MRPL1: variants seen among roughly 807,000 people sequenced by gnomAD.
The protein encoded by MRPL1 is large ribosomal subunit protein uL1m.
Under a neutral mutation model 38.0 loss-of-function variants are expected in MRPL1, and 28 were observed. The observed-to-expected ratio is 0.74, with a 90% CI of 0.55 to 1.01. The LOEUF is 1.01. Among genes scored for constraint, MRPL1 ranks in the 50% least tolerant of loss-of-function variants. The pLI, the probability that MRPL1 is intolerant of heterozygous loss-of-function variation, is 0.00. For synonymous variants in MRPL1, 123 were observed against 126.7 expected (o/e 0.97, Z 0.20); for missense variants, 358 against 389.8 (o/e 0.92, Z 0.69).
intron 7 of MRPL1, among the ~76,000 whole-genome samples, chr4:77,916,175 A>G (rs930819039): frequency 6.6e-6 from 1 of 152,232 alleles, no homozygotes; most frequent in Non-Finnish European, 1.5e-5. Context: ...AATTTCAGAT[A>G]GTAATTAAAT....
Position 77,911,722 on chromosome 4 carries a change from G to A in MRPL1, c.777+2350G>A, listed in dbSNP as rs72869576. ...TTAGCAGAGTACTTCTGGATAAGGGGGAGTAACAGGGACCTAATTTATCCT... is the reference window on the plus strand; with the variant it reads ...TTAGCAGAGTACTTCTGGATAAGGGAGAGTAACAGGGACCTAATTTATCCT... On this transcript the variant is annotated intron_variant, in intron 7 of 8. Transcript: ENST00000315567. Among the ~76,000 whole-genome samples the A allele has an allele frequency of 5.4e-4, 82 of 152,126 alleles. 1 individual carries two copies. The highest frequency in any genetic ancestry group is 1.9e-3 in the African/African-American group (78 of 41,494).
At chr4:77,894,384 C>A in intron 6 of MRPL1, 134 bp downstream of exon 6, 1 of 553,248 alleles carries the variant, frequency 1.8e-6, no homozygotes, top group Non-Finnish European at 3.2e-6. Flanking sequence ...GTTACGAGAA[C>A]CTACGGGTTT....
chr4:77,930,182 G>A (rs149208008), intron 7 of MRPL1, among the ~76,000 whole-genome samples: 10 of 152,246 alleles, frequency 6.6e-5, no homozygotes, highest in East Asian at 3.9e-4. Context: ...AGGAGAAACC[G>A]TCCAGTTATA....
At chr4:77,930,046 C>T (rs1736809619) in intron 7 of MRPL1, among the ~76,000 whole-genome samples, 2 of 152,136 alleles carry the variant, frequency 1.3e-5, no homozygotes, top group South Asian at 4.1e-4. Context: ...GGAGAGAAGA[C>T]CAGATTTCGA....
At chr4:77,871,110 C>G (rs539319667) in intron 1 of MRPL1, among the ~76,000 whole-genome samples, 23 of 152,062 alleles carry the variant, frequency 1.5e-4, no homozygotes, top group African/African-American at 4.6e-4. Context: ...AACCCCAGAG[C>G]CTTGAGAGGC....
At chr4:77,935,647 T>G (rs1736952917) in intron 7 of MRPL1, among the ~76,000 whole-genome samples, 1 of 152,154 alleles carries the variant, frequency 6.6e-6, no homozygotes, top group Non-Finnish European at 1.5e-5. Flanking sequence ...CCACCTGCCT[T>G]GGCCTGCCAA....
chr4:77,925,669 T>A (rs529159503), intron 7 of MRPL1, among the ~76,000 whole-genome samples: 11 of 151,908 alleles, frequency 7.2e-5, no homozygotes, highest in African/African-American at 2.2e-4. Context: ...TTTTTTTTTT[T>A]AAATGATGAA....
In MRPL1 at chr4:77,871,829, C is replaced by T; in HGVS notation, c.117C>T (p.Pro39=). The change falls in exon 2 of 9, where the codon CCC becomes CCT. Residue 39 remains proline (P), a synonymous_variant. Coordinates refer to ENST00000315567, the MANE Select transcript of MRPL1 (RefSeq NM_020236.4). ...LCSCSVNIRV[P]NRHFAAATKS... is the part of the protein sequence containing the mutation. Reference sequence around the variant, plus strand: ...CTTGTTCTGTAAACATCCGAGTGCCCAACAGACATTTTGCTGCTGCTACAA... The same window carrying T: ...CTTGTTCTGTAAACATCCGAGTGCCTAACAGACATTTTGCTGCTGCTACAA... The T allele has an allele frequency of 1.3e-6, 2 of 1,598,564 alleles. No individual in the cohort carries two copies. Among genetic ancestry groups the T allele is most frequent in the East Asian group, 4.5e-5 (2 of 44,262 alleles).
chr4:77,931,350 A>G (rs975879503), intron 7 of MRPL1, among the ~76,000 whole-genome samples: 6 of 152,228 alleles, frequency 3.9e-5, no homozygotes, highest in Non-Finnish European at 7.3e-5. Context: ...GCCTGCTGCT[A>G]AGGACATTTG....
At chr4:77,949,768 T>C (rs1183724037) in intron 7 of MRPL1, 29 bp from the exon 8 acceptor site, 1 of 1,387,782 alleles carries the variant, frequency 7.2e-7, no homozygotes, top group African/African-American at 1.4e-5. Flanking sequence ...TTTCTCATCA[T>C]TAATGTTATG....
chr4:77,937,487 A>G (rs926933859), intron 7 of MRPL1, among the ~76,000 whole-genome samples: 1 of 152,170 alleles, frequency 6.6e-6, no homozygotes. Context: ...TAAGGGGGAA[A>G]ACCCAAATGC....
At chr4:77,873,618 TCTTA>T (rs1735332827) in intron 2 of MRPL1, among the ~76,000 whole-genome samples, 3 of 152,342 alleles carry the variant, frequency 2.0e-5, no homozygotes, top group South Asian at 2.1e-4. Flanking sequence ...CTCAGTTGCC[TCTTA>T]CTTAGCATAC....
intron 7 of MRPL1, among the ~76,000 whole-genome samples, chr4:77,921,300 T>G (rs1211831939): frequency 6.6e-6 from 1 of 152,178 alleles, no homozygotes; most frequent in Non-Finnish European, 1.5e-5. Flanking sequence ...CTAGATCACT[T>G]TCTAGTTAGG....
At chr4:77,864,520 G>A (rs1464972770) in intron 1 of MRPL1, 1 of 151,974 alleles carries the variant, frequency 6.6e-6, no homozygotes, top group Non-Finnish European at 1.5e-5. Flanking sequence ...CATAGTTCAA[G>A]AACACAGGTC....
intron 5 of MRPL1, 70 bp from the exon 6 acceptor site, chr4:77,894,069 C>T (rs1372521328): frequency 5.9e-6 from 5 of 848,450 alleles, no homozygotes; most frequent in Non-Finnish European, 9.7e-6. Context: ...GAAATGACTA[C>T]ATTGTACTTT....
intron 5 of MRPL1, among the ~76,000 whole-genome samples, chr4:77,888,038 G>A (rs1735723947): frequency 6.6e-6 from 1 of 151,712 alleles, no homozygotes; most frequent in South Asian, 2.1e-4. Context: ...TCAAATATTT[G>A]TTTTTTTTCT....
intron 7 of MRPL1, among the ~76,000 whole-genome samples, chr4:77,931,061 A>C (rs936612745): frequency 6.6e-6 from 1 of 152,232 alleles, no homozygotes; most frequent in African/African-American, 2.4e-5. Flanking sequence ...TGGGTGATTC[A>C]CATTCTCCAA....
At chr4:77,944,262 A>G (rs1737202608) in intron 7 of MRPL1, among the ~76,000 whole-genome samples, 1 of 152,212 alleles carries the variant, frequency 6.6e-6, no homozygotes, top group African/African-American at 2.4e-5. Context: ...AGCCATAGAT[A>G]GCAGCACAGT....
intron 6 of MRPL1, among the ~76,000 whole-genome samples, chr4:77,894,682 A>T (rs544452972): frequency 3.5e-4 from 53 of 152,160 alleles, no homozygotes; most frequent in African/African-American, 1.3e-3. Context: ...CCCCTTATGG[A>T]TATTTTCTCC....
Sources: allele counts gnomAD v4.1 joint callset (sites outside exome capture counted in the v4.1 genomes callset), GRCh38; gene constraint gnomAD v4.1.1; transcripts MANE v1.5; gene names NCBI Gene and HGNC (gene_info 2026-07-23, HGNC 2026-07-21).